Variants in AFG2A observed in about 807,000 individuals in gnomAD.
AFG2A encodes ATPase family gene 2 protein homolog A.
chr4:122,949,393 G>A, the AFG2A span, among the ~76,000 whole-genome samples: 11 of 152,130 alleles, frequency 7.2e-5, no homozygotes, highest in African/African-American at 2.7e-4. Context: ...GTCGCTGAAG[G>A]GGAATAGGTG....
the AFG2A span, among the ~76,000 whole-genome samples, chr4:123,091,098 G>A: frequency 6.6e-6 from 1 of 152,230 alleles, no homozygotes; most frequent in Non-Finnish European, 1.5e-5. Context: ...GAGTATGTGA[G>A]ACTCACTGGG....
the AFG2A span, among the ~76,000 whole-genome samples, chr4:122,949,858 G>A: frequency 6.6e-6 from 1 of 152,322 alleles, no homozygotes; most frequent in African/African-American, 2.4e-5. Context: ...GGAGAGTATG[G>A]TATGAAATAG....
At chr4:123,256,929 G>A in the AFG2A span, 17 of 785,882 alleles carry the variant, frequency 2.2e-5, no homozygotes, top group Non-Finnish European at 2.5e-5. Context: ...TATGTACCTC[G>A]ACACAGAAAT....
the AFG2A span, among the ~76,000 whole-genome samples, chr4:123,234,973 A>T: frequency 1.3e-5 from 2 of 152,180 alleles, 1 homozygote; most frequent in South Asian, 4.1e-4. Context: ...TCATTCATGA[A>T]TTTTATGTAA....
the AFG2A span, among the ~76,000 whole-genome samples, chr4:123,074,366 G>A: frequency 2.6e-5 from 4 of 151,366 alleles, no homozygotes; most frequent in South Asian, 6.3e-4. Context: ...TTCTCATAAG[G>A]GGACTCTATA....
chr4:123,265,008 C>T, the AFG2A span, among the ~76,000 whole-genome samples: 157 of 152,202 alleles, frequency 1.0e-3, no homozygotes, highest in African/African-American at 3.7e-3. Context: ...TAAATATTTT[C>T]TTCTGTGGCC....
the AFG2A span, chr4:122,938,230 T>A: frequency 6.3e-7 from 1 of 1,599,588 alleles, no homozygotes; most frequent in Non-Finnish European, 8.5e-7. Flanking sequence ...CTCTTAACAC[T>A]GATGGATGGC....
chr4:122,935,894 A>T, the AFG2A span: 140 of 1,505,624 alleles, frequency 9.3e-5, no homozygotes, highest in Middle Eastern at 1.5e-3. Flanking sequence ...TATTTCTAAA[A>T]TGTGGTTTTT....
At chr4:123,057,111 C>T in the AFG2A span, 4 of 1,238,186 alleles carry the variant, frequency 3.2e-6, no homozygotes, top group South Asian at 5.0e-5. Context: ...TGACTTGTAC[C>T]TAATAGGTTT....
chr4:123,150,344 T>C, the AFG2A span, among the ~76,000 whole-genome samples: 1 of 152,222 alleles, frequency 6.6e-6, no homozygotes, highest in African/African-American at 2.4e-5. Context: ...TGTCTCTGTT[T>C]GCAGATGACA....
chr4:123,194,602 A>G, the AFG2A span, among the ~76,000 whole-genome samples: 9 of 152,256 alleles, frequency 5.9e-5, no homozygotes, highest in African/African-American at 2.2e-4. Context: ...ATGAAGTTAT[A>G]TGAAATCTAA....
chr4:123,189,815 T>TA, the AFG2A span, among the ~76,000 whole-genome samples: 1 of 132,508 alleles, frequency 7.5e-6, no homozygotes, highest in East Asian at 2.1e-4. Context: ...TTTGCTTTTT[T>TA]TTTTTTTTTT....
the AFG2A span, among the ~76,000 whole-genome samples, chr4:122,989,010 T>G: frequency 0.012 from 1,845 of 152,316 alleles, 43 homozygotes; most frequent in African/African-American, 0.041. Context: ...TCTTCATTTT[T>G]TTCATGCATT....
chr4:123,124,267 A>G, the AFG2A span, among the ~76,000 whole-genome samples: 1 of 152,228 alleles, frequency 6.6e-6, no homozygotes, highest in African/African-American at 2.4e-5. Context: ...GACTGGATTA[A>G]GAAAATGTGG....
At chr4:123,054,417 C>CTT in the AFG2A span, among the ~76,000 whole-genome samples, 2 of 148,758 alleles carry the variant, frequency 1.3e-5, no homozygotes, top group African/African-American at 2.5e-5. Context: ...ATTGAGCATC[C>CTT]TTTTTTTTTT....
chr4:123,137,095 T>C, the AFG2A span, among the ~76,000 whole-genome samples: 1 of 152,152 alleles, frequency 6.6e-6, no homozygotes, highest in African/African-American at 2.4e-5. Context: ...GGGTTCACAC[T>C]TCTATGAGTG....
chr4:123,298,267 G>A, the AFG2A span, among the ~76,000 whole-genome samples: 1 of 152,194 alleles, frequency 6.6e-6, no homozygotes, highest in African/African-American at 2.4e-5. Context: ...GGTGGGTGAA[G>A]CTGTGAGATG....
chr4:123,095,081 GTATATA>G, the AFG2A span, among the ~76,000 whole-genome samples: 1,302 of 48,364 alleles, frequency 0.027, 32 homozygotes, highest in South Asian at 0.26. Flanking sequence ...GTGTGTGTGT[GTATATA>G]TATATATATA....
chr4:123,027,651 G>T, the AFG2A span, among the ~76,000 whole-genome samples: 1 of 152,080 alleles, frequency 6.6e-6, no homozygotes, highest in Admixed American at 6.6e-5. Flanking sequence ...TCTGGTACAC[G>T]TATATTCTTA....
Sources: gnomAD v4.1 joint callset for allele counts (sites outside exome capture counted in the v4.1 genomes callset) on GRCh38, gnomAD v4.1.1 for gene constraint, MANE v1.5 for transcripts, NCBI Gene and HGNC (gene_info 2026-07-23, HGNC 2026-07-21) for gene names.